LARGE1: variants seen among roughly 807,000 people sequenced by gnomAD.
LARGE1 encodes xylosyl- and glucuronyltransferase LARGE1.
Under a neutral mutation model 87.6 loss-of-function variants are expected in LARGE1, and 43 were observed. That is an observed-to-expected ratio of 0.49 (90% CI 0.38 to 0.63). The LOEUF (loss-of-function observed/expected upper bound fraction) is 0.63, where lower values mean the gene tolerates loss of function less well. LARGE1 is among the 30% of genes least tolerant of loss of function. LARGE1 has a pLI of 0.00. For synonymous variants in LARGE1, 434 were observed against 394.6 expected, an observed-to-expected ratio of 1.10 and a Z score of -1.18; for missense variants, 802 against 1,000.2, an observed-to-expected ratio of 0.80 and a Z score of 2.67.
intron 11 of LARGE1, among the ~76,000 whole-genome samples, chr22:33,307,610 A>G (rs997975009): frequency 3.9e-5 from 6 of 152,160 alleles, no homozygotes; most frequent in African/African-American, 1.2e-4. Flanking sequence ...GTTATTTCCA[A>G]TGCATCGGAT....
At chr22:33,492,182 G>A (rs774011934) in intron 6 of LARGE1, among the ~76,000 whole-genome samples, 5 of 152,200 alleles carry the variant, frequency 3.3e-5, no homozygotes, top group Non-Finnish European at 7.3e-5. Flanking sequence ...ATGCATCACT[G>A]AGGGAGATGC....
intron 6 of LARGE1, among the ~76,000 whole-genome samples, chr22:33,484,344 T>G (rs1171507784): frequency 1.3e-5 from 2 of 152,172 alleles, no homozygotes; most frequent in Admixed American, 6.5e-5. Flanking sequence ...CTAAAACCAA[T>G]GTCATCATGA....
intron 1 of LARGE1, among the ~76,000 whole-genome samples, chr22:33,820,878 T>A (rs2146254789): frequency 6.6e-6 from 1 of 152,226 alleles, no homozygotes; most frequent in Admixed American, 6.5e-5. Context: ...CAGAGGCTCC[T>A]CCTGGGCTAA....
intron 7 of LARGE1, among the ~76,000 whole-genome samples, chr22:33,406,640 G>A (rs139242141): frequency 6.6e-6 from 1 of 152,278 alleles, no homozygotes; most frequent in Non-Finnish European, 1.5e-5. Flanking sequence ...GCATTTTCAG[G>A]TGTGAACACT....
At chr22:33,527,530 C>T (rs150245436) in intron 6 of LARGE1, among the ~76,000 whole-genome samples, 10 of 152,276 alleles carry the variant, frequency 6.6e-5, no homozygotes, top group African/African-American at 2.2e-4. Flanking sequence ...AGTTCAGAGG[C>T]TCTCTCAAAG....
At chr22:33,165,278 C>T (rs989181495) in exon 12 of LARGE1, 1 of 152,256 alleles carries the variant, frequency 6.6e-6, no homozygotes, top group South Asian at 2.1e-4. Context: ...GTTGAGATAG[C>T]ATTAAAATTG....
chr22:33,752,557 C>T (rs894952864), intron 2 of LARGE1, among the ~76,000 whole-genome samples: 7 of 152,028 alleles, frequency 4.6e-5, no homozygotes, highest in African/African-American at 1.7e-4. Context: ...CAATTCAGAC[C>T]AATACATCTA....
intron 9 of LARGE1, among the ~76,000 whole-genome samples, chr22:33,373,476 T>C (rs1229020435): frequency 6.6e-6 from 1 of 152,218 alleles, no homozygotes; most frequent in African/African-American, 2.4e-5. Flanking sequence ...AGGTTTCCTC[T>C]GGAAGCTTTT....
intron 14 of LARGE1, among the ~76,000 whole-genome samples, chr22:33,276,323 T>C (rs1602198746): frequency 6.6e-6 from 1 of 152,218 alleles, no homozygotes; most frequent in African/African-American, 2.4e-5. Context: ...AATTGAAGCA[T>C]GTCTGGTCCA....
chr22:33,823,963 C>A (rs935190581), intron 1 of LARGE1, among the ~76,000 whole-genome samples: 2 of 152,080 alleles, frequency 1.3e-5, no homozygotes, highest in African/African-American at 4.8e-5. Flanking sequence ...GTAATTATTG[C>A]CATTAGCTGA....
chr22:33,133,983 C>T, the LARGE1 span, among the ~76,000 whole-genome samples: 1 of 152,048 alleles, frequency 6.6e-6, no homozygotes, highest in African/African-American at 2.4e-5. Context: ...TAAGAAAAAA[C>T]CATGTTCAGG....
chr22:33,413,251 T>C (rs1262920106), intron 7 of LARGE1, among the ~76,000 whole-genome samples: 1 of 152,156 alleles, frequency 6.6e-6, no homozygotes, highest in Admixed American at 6.5e-5. Context: ...TGAACCACTC[T>C]TTCTGAAAGA....
rs953458252 is a variant in LARGE1 at position 33,626,460 on chromosome 22, C to T, written c.409-134G>A. The T allele has an allele frequency of 2.7e-5, 19 of 711,050 alleles. No homozygotes were observed. In the Admixed American group the frequency reaches 3.9e-4, roughly 15 times the overall value. The allele number at this position is 711,050 out of a possible 1,614,324, so 44.0% of individuals were successfully genotyped here. On this transcript the variant is annotated intron_variant, in intron 3 of 14. Coordinates refer to ENST00000397394, the MANE Select transcript of LARGE1 (RefSeq NM_133642.5). ...ATTAGAAAACAAAGGACACTGTCTG[C>T]AGCTGTGGAAAATAACTCAAGACAG...
intron 3 of LARGE1, among the ~76,000 whole-genome samples, chr22:33,640,996 G>A (rs1175377969): frequency 1.3e-5 from 2 of 152,120 alleles, no homozygotes; most frequent in Non-Finnish European, 2.9e-5. Flanking sequence ...CAGCTTCAGC[G>A]GACTTAAACA....
chr22:33,206,699 T>TTATTA (rs1924706324), intron 11 of LARGE1, among the ~76,000 whole-genome samples: 1 of 152,198 alleles, frequency 6.6e-6, no homozygotes, highest in East Asian at 1.9e-4. Flanking sequence ...AGGTCTCTGC[T>TTATTA]CCTCCATAAT....
At chr22:33,336,246 G>T (rs534137944) in intron 10 of LARGE1, among the ~76,000 whole-genome samples, 1 of 152,262 alleles carries the variant, frequency 6.6e-6, no homozygotes, top group East Asian at 1.9e-4. Flanking sequence ...TGTTGCCCAG[G>T]CTTGAGTGTA....
intron 6 of LARGE1, among the ~76,000 whole-genome samples, chr22:33,548,370 A>G (rs1315889993): frequency 6.6e-6 from 1 of 152,100 alleles, no homozygotes; most frequent in Admixed American, 6.6e-5. Context: ...CAGAACTGTG[A>G]GCCAATTAAA....
intron 6 of LARGE1, among the ~76,000 whole-genome samples, chr22:33,490,428 G>A (rs2069783601): frequency 1.3e-5 from 2 of 151,992 alleles, no homozygotes; most frequent in South Asian, 2.1e-4. Context: ...ATGAAATAGT[G>A]CATGTAAAGT....
intron 2 of LARGE1, among the ~76,000 whole-genome samples, chr22:33,721,842 T>G (rs1003090527): frequency 1.1e-4 from 16 of 152,248 alleles, no homozygotes; most frequent in African/African-American, 3.9e-4. Flanking sequence ...AAAAGCCTTA[T>G]GTACAACCCC....
Sources: gnomAD v4.1 joint callset for allele counts (sites outside exome capture counted in the v4.1 genomes callset) on GRCh38, gnomAD v4.1.1 for gene constraint, MANE v1.5 for transcripts, NCBI Gene and HGNC (gene_info 2026-07-23, HGNC 2026-07-21) for gene names.